Variants in TMEM50A observed in about 807,000 individuals in gnomAD.
TMEM50A encodes the protein transmembrane protein 50A, also known as cervical cancer oncogene 9.
Under a neutral mutation model 23.9 loss-of-function variants are expected in TMEM50A, and 8 were observed. The ratio of observed to expected loss-of-function variants is 0.33; its 90% CI spans 0.20 to 0.60. TMEM50A has a LOEUF of 0.60. Among genes scored for constraint, TMEM50A ranks in the 20% least tolerant of loss-of-function variants. The probability of loss-of-function intolerance (pLI) is 0.81; values close to 1 mark genes in which losing one functional copy is unlikely to be tolerated. For synonymous variants in TMEM50A, 55 were observed against 60.4 expected (o/e 0.91, Z 0.41); for missense variants, 178 against 192.7 (o/e 0.92, Z 0.45).
chr1:25,350,453 C>T (rs1420177813), intron 3 of TMEM50A, among the ~76,000 whole-genome samples: 2 of 152,118 alleles, frequency 1.3e-5, no homozygotes, highest in African/African-American at 2.4e-5. Flanking sequence ...CGCAGTGGCA[C>T]GATCTGAGCT....
chr1:25,358,689 A>G (rs948020080), intron 6 of TMEM50A, among the ~76,000 whole-genome samples: 2 of 152,214 alleles, frequency 1.3e-5, no homozygotes, highest in Non-Finnish European at 2.9e-5. Context: ...ACCCCAGGTA[A>G]TTTTGACAGT....
intron 3 of TMEM50A, among the ~76,000 whole-genome samples, chr1:25,343,297 T>A (rs1172992772): frequency 6.6e-6 from 1 of 152,234 alleles, no homozygotes; most frequent in African/African-American, 2.4e-5. Context: ...GCTATTCTTT[T>A]ATTTTATACC....
chr1:25,345,075 T>C (rs1645199798), intron 3 of TMEM50A, among the ~76,000 whole-genome samples: 1 of 152,016 alleles, frequency 6.6e-6, no homozygotes, highest in African/African-American at 2.4e-5. Context: ...TTCCCTCCCC[T>C]GTTGATCAGG....
intron 3 of TMEM50A, 45 bp from the exon 4 acceptor site, chr1:25,351,581 T>G (rs1317881038): frequency 1.3e-6 from 2 of 1,498,952 alleles, no homozygotes; most frequent in Non-Finnish European, 1.8e-6. Flanking sequence ...TTCTGGTAAT[T>G]GGTGTCATGG....
chr1:25,356,885 T>C (rs1190274799), intron 6 of TMEM50A, 32 bp downstream of exon 6: 1 of 1,517,064 alleles, frequency 6.6e-7, no homozygotes, highest in Non-Finnish European at 8.9e-7. Flanking sequence ...TATGTTTGTT[T>C]GTTTTTTTTT....
chr1:25,350,429 C>T lies in TMEM50A; in HGVS notation c.207-1197C>T, dbSNP rs745506163. Among the ~76,000 whole-genome samples the T allele has an allele frequency of 8.5e-5, 13 of 152,180 alleles. 1 individual carries two copies. The East Asian group carries it at 1.2e-3, about 14-fold the overall frequency. On this transcript the variant is annotated intron_variant, in intron 3 of 6. Transcript: ENST00000374358. ...TTAAGAGACGGAGTTTCACTCTTGT[C>T]GCCCAGGCTGAATCGCAGTGGCACG... is the stretch of plus-strand genomic sequence containing the variant.
At chr1:25,352,557 C>T (rs907129539) in intron 4 of TMEM50A, among the ~76,000 whole-genome samples, 1 of 151,418 alleles carries the variant, frequency 6.6e-6, no homozygotes, top group Non-Finnish European at 1.5e-5. Flanking sequence ...GAGAATGAGC[C>T]TCTAAATATG....
chr1:25,341,431 T>C (rs1645167429), intron 2 of TMEM50A, among the ~76,000 whole-genome samples: 1 of 152,158 alleles, frequency 6.6e-6, no homozygotes, highest in South Asian at 2.1e-4. Flanking sequence ...GCTAATTTTT[T>C]TGTATTTTAG....
At chr1:25,352,844 A>G (rs1467345521) in intron 4 of TMEM50A, 38 bp from the exon 5 acceptor site, 20 of 1,591,386 alleles carry the variant, frequency 1.3e-5, no homozygotes, top group Non-Finnish European at 1.5e-5. Flanking sequence ...GTACTGCCCT[A>G]TAAGAAAGAA....
chr1:25,339,480 C>T (rs3093569), intron 1 of TMEM50A, among the ~76,000 whole-genome samples: 1,552 of 152,178 alleles, frequency 0.01, 27 homozygotes, highest in African/African-American at 0.035. Context: ...AAAAGGCAGG[C>T]TTGCAGAAAG....
intron 6 of TMEM50A, among the ~76,000 whole-genome samples, chr1:25,357,466 A>T (rs1645344196): frequency 6.6e-6 from 1 of 151,198 alleles, no homozygotes; most frequent in Non-Finnish European, 1.5e-5. Flanking sequence ...ACCTACCCCC[A>T]TCACTGGCCG....
In TMEM50A at chr1:25,357,528, AGTGTGTGTGTGTGTGT is replaced by A. The variant is rs58801158; in HGVS notation, c.428+694_428+709del. On this transcript the variant is annotated intron_variant, in intron 6 of 6. Coordinates refer to ENST00000374358, the MANE Select transcript of TMEM50A (RefSeq NM_014313.4). ...ACAGCTCTTAATCCTCTGCATCAGG[AGTGTGTGTGTGTGTGT>A]GTGTGTGTGTGTGTGTGTTGTGTGT... Among the ~76,000 whole-genome samples the A allele has an allele frequency of 3.4e-4, 47 of 139,664 alleles. No homozygotes were observed. In the East Asian group the frequency reaches 6.8e-3, roughly 20 times the overall value. 91.6% of individuals were successfully genotyped at this position (139,664 alleles called of 152,430 possible).
At chr1:25,358,927 G>C (rs1645364655) in intron 6 of TMEM50A, among the ~76,000 whole-genome samples, 2 of 152,180 alleles carry the variant, frequency 1.3e-5, no homozygotes, top group Non-Finnish European at 1.5e-5. Flanking sequence ...ACTAATTTTT[G>C]TATTTTTTGT....
At chr1:25,349,159 C>G (rs1224829313) in intron 3 of TMEM50A, among the ~76,000 whole-genome samples, 1 of 152,214 alleles carries the variant, frequency 6.6e-6, no homozygotes, top group Non-Finnish European at 1.5e-5. Context: ...CCCAGAACAG[C>G]TACACCCCAA....
chr1:25,359,872 T>C (rs939219112), intron 6 of TMEM50A, among the ~76,000 whole-genome samples: 1 of 152,168 alleles, frequency 6.6e-6, no homozygotes, highest in African/African-American at 2.4e-5. Context: ...TTCTAACTTA[T>C]TCAGGGTGAC....
chr1:25,350,467 C>G (rs145823421), intron 3 of TMEM50A, among the ~76,000 whole-genome samples: 1 of 152,228 alleles, frequency 6.6e-6, no homozygotes, highest in Non-Finnish European at 1.5e-5. Flanking sequence ...CTGAGCTCAC[C>G]ACAACCTGTT....
In TMEM50A at chr1:25,350,759, C is replaced by G. The variant is rs28702795; in HGVS notation, c.207-867C>G. Among the ~76,000 whole-genome samples the G allele has an allele frequency of 7.0e-3, 1,068 of 152,244 alleles. 15 individuals carry two copies. Among genetic ancestry groups the G allele is most frequent in the African/African-American group, 0.024 (1,015 of 41,534 alleles). ...AAACTCAGATTTCTGGGCCCCATGC[C>G]CAGAGTGTCTGCTTTGCTAGGTTTG... On this transcript the variant is annotated intron_variant, in intron 3 of 6. Coordinates refer to ENST00000374358, the MANE Select transcript of TMEM50A (RefSeq NM_014313.4).
At chr1:25,353,023 T>C (rs1645289313) in intron 5 of TMEM50A, 49 bp downstream of exon 5, 2 of 1,531,920 alleles carry the variant, frequency 1.3e-6, no homozygotes, top group Non-Finnish European at 1.8e-6. Context: ...TACTGGAATT[T>C]TGCATTAAAG....
At chr1:25,351,784 A>G in intron 4 of TMEM50A, 91 bp downstream of exon 4, 1 of 1,148,874 alleles carries the variant, frequency 8.7e-7, no homozygotes, top group Non-Finnish European at 1.2e-6. Context: ...ATTTGTTTTA[A>G]TATATCTGTG....
Sources: allele counts gnomAD v4.1 joint callset (sites outside exome capture counted in the v4.1 genomes callset), GRCh38; gene constraint gnomAD v4.1.1; transcripts MANE v1.5; gene names NCBI Gene and HGNC (gene_info 2026-07-23, HGNC 2026-07-21).